The following ATP7B variants were observed in gnomAD, a reference collection of about 807,000 sequenced individuals.
The protein encoded by ATP7B is ATPase copper transporting beta.
ATP7B carries 113 observed loss-of-function variants against 118.9 expected under a neutral mutation model. The observed-to-expected ratio is 0.95, with a 90% confidence interval of 0.82 to 1.11. ATP7B has a LOEUF of 1.11. ATP7B is among the 50% of genes most tolerant of loss of function. The pLI, the probability that ATP7B is intolerant of heterozygous loss-of-function variation, is 0.00. For synonymous variants in ATP7B, 777 were observed against 727.4 expected, an observed-to-expected ratio of 1.07 and a Z score of -1.10; for missense variants, 1,867 against 1,871.4, an observed-to-expected ratio of 1.00 and a Z score of 0.04.
chr13:51,971,955 C>T (rs1453955886), intron 2 of ATP7B, among the ~76,000 whole-genome samples: 1 of 152,244 alleles, frequency 6.6e-6, no homozygotes, highest in Non-Finnish European at 1.5e-5. Context: ...CCCGCTGCTC[C>T]CTACAGTACC....
intron 1 of ATP7B, among the ~76,000 whole-genome samples, chr13:51,987,399 A>G (rs1266511530): frequency 1.3e-5 from 2 of 152,240 alleles, no homozygotes. Flanking sequence ...ACCACTGCTC[A>G]AGGAAATAAG....
chr13:51,992,715 C>T (rs1282045222), intron 1 of ATP7B, among the ~76,000 whole-genome samples: 1 of 152,038 alleles, frequency 6.6e-6, no homozygotes, highest in South Asian at 2.1e-4. Context: ...GGGTGGTTCA[C>T]GCCTGTAATC....
At chr13:51,990,853 G>T (rs1424488032) in intron 1 of ATP7B, among the ~76,000 whole-genome samples, 2 of 152,236 alleles carry the variant, frequency 1.3e-5, no homozygotes, top group Non-Finnish European at 2.9e-5. Flanking sequence ...ACTTCGGGAG[G>T]CCGAGGCAGG....
At chr13:51,975,194 T>C in intron 1 of ATP7B, 26 bp from the exon 2 acceptor site, 1 of 1,613,348 alleles carries the variant, frequency 6.2e-7, no homozygotes, top group Non-Finnish European at 8.5e-7. Context: ...ATAACATTTT[T>C]TAACCTTGAA....
rs1051332 is a variant in ATP7B at position 51,933,584 on chromosome 13, C to T, written c.*1172G>A. ...GCTCTGAGAGCCACTGCCAGGTAAACAGATGCTCCCTTCGGGGTGCTGTGG... is the reference window on the plus strand; with the variant it reads ...GCTCTGAGAGCCACTGCCAGGTAAATAGATGCTCCCTTCGGGGTGCTGTGG... On this transcript the variant is annotated 3_prime_UTR_variant, in exon 21 of 21. Transcript: ENST00000242839. 54,131 of 152,128 alleles carry T rather than the reference C, an allele frequency of 0.36. 11,325 individuals are homozygous for T. Among genetic ancestry groups the T allele is most frequent in the Non-Finnish European group, 0.47 (32,116 of 67,970 alleles). 9.4% of individuals were successfully genotyped at this position (152,128 alleles called of 1,614,324 possible).
intron 16 of ATP7B, among the ~76,000 whole-genome samples, chr13:51,940,295 G>A (rs543923223): frequency 1.0e-4 from 15 of 148,370 alleles, no homozygotes; most frequent in African/African-American, 3.2e-4. Flanking sequence ...TTACAGGCGT[G>A]AGCCACCGCA....
chr13:51,974,721 T>G lies in ATP7B; in HGVS notation c.499A>C (p.Lys167Gln), dbSNP rs1283727792. Reference sequence around the variant, plus strand: ...TTGACTCTCACTACTCCTTGCAGTTTCCGGACCTTGCCTTCAATGGAGCTG... The same window carrying G: ...TTGACTCTCACTACTCCTTGCAGTTGCCGGACCTTGCCTTCAATGGAGCTG... ...CVSSIEGKVR[K>Q]LQGVVRVKVS... The change falls in exon 2 of 21, where the codon AAA becomes CAA. Residue 167 changes from lysine (K) to glutamine (Q), a missense_variant. By Grantham distance (53) the Lys-to-Gln change is moderately conservative. Coordinates refer to ENST00000242839, the MANE Select transcript of ATP7B (RefSeq NM_000053.4). 1 of 1,613,970 alleles carries G rather than the reference T, an allele frequency of 6.2e-7. No homozygotes were observed. The highest frequency in any genetic ancestry group is 1.7e-5 in the Admixed American group (1 of 60,018).
intron 1 of ATP7B, among the ~76,000 whole-genome samples, chr13:51,984,542 T>G (rs1952563580): frequency 6.6e-6 from 1 of 151,986 alleles, no homozygotes; most frequent in Non-Finnish European, 1.5e-5. Context: ...AGGCCAACAT[T>G]CAAATTCAGG....
chr13:51,953,634 A>C (rs192592377), intron 9 of ATP7B, among the ~76,000 whole-genome samples: 1 of 152,250 alleles, frequency 6.6e-6, no homozygotes, highest in African/African-American at 2.4e-5. Context: ...TTCCTCTCCA[A>C]GTGCTGAGCG....
chr13:52,009,916 G>A (rs1371072638), intron 1 of ATP7B, among the ~76,000 whole-genome samples: 1 of 152,124 alleles, frequency 6.6e-6, no homozygotes, highest in Admixed American at 6.5e-5. Flanking sequence ...ACGCGAGAGT[G>A]CACATAGAGG....
chr13:51,952,304 T>C (rs1300274424), intron 9 of ATP7B, among the ~76,000 whole-genome samples: 1 of 152,212 alleles, frequency 6.6e-6, no homozygotes, highest in East Asian at 1.9e-4. Context: ...ACAGAATTAA[T>C]TGTATAGGTA....
At chr13:51,996,140 G>A (rs1322355068) in intron 1 of ATP7B, among the ~76,000 whole-genome samples, 1 of 152,302 alleles carries the variant, frequency 6.6e-6, no homozygotes, top group South Asian at 2.1e-4. Context: ...TTTTCAAGAA[G>A]GTGTAAGAAA....
chr13:51,960,419 T>A, intron 6 of ATP7B, 97 bp from the exon 7 acceptor site: 1 of 1,447,808 alleles, frequency 6.9e-7, no homozygotes, highest in Non-Finnish European at 9.5e-7. Context: ...AAGACCTGCC[T>A]TTGTCACATG....
In ATP7B at chr13:51,974,430, C is replaced by A. The variant is rs1952004467; in HGVS notation, c.790G>T (p.Asp264Tyr). ...ACGCAAGACTTACAATGCATTCCAT[C>A]TATTCTCAGTTGGAGGGTGACCACA... ...SHVVTLQLRI[D>Y]GMHCKSCVLN... Residue 264 changes from aspartate (D) to tyrosine (Y), a missense_variant, in exon 2 of 21, where the codon GAT (aspartate) becomes TAT (tyrosine). Asp to Tyr is a radical substitution (Grantham distance 160). Transcript: ENST00000242839. The A allele has an allele frequency of 1.2e-6, 2 of 1,613,900 alleles. No homozygotes were observed. The highest frequency in any genetic ancestry group is 1.7e-6 in the Non-Finnish European group (2 of 1,180,034).
intron 19 of ATP7B, 83 bp downstream of exon 19, chr13:51,937,193 G>GC (rs1187783022): frequency 1.6e-5 from 21 of 1,352,268 alleles, no homozygotes; most frequent in Non-Finnish European, 2.0e-5. Flanking sequence ...CAGTGAGTGA[G>GC]CCACTCACTA....
intron 6 of ATP7B, among the ~76,000 whole-genome samples, chr13:51,960,605 T>C (rs946053525): frequency 2.0e-5 from 3 of 152,150 alleles, no homozygotes; most frequent in African/African-American, 7.2e-5. Context: ...GTGAGGCAAG[T>C]GAGGCCCCAA....
chr13:52,003,709 G>A (rs1953638636), intron 1 of ATP7B, among the ~76,000 whole-genome samples: 3 of 152,112 alleles, frequency 2.0e-5, no homozygotes, highest in Admixed American at 2.0e-4. Flanking sequence ...TGACTTAAAT[G>A]AGCAGAACAG....
chr13:52,006,139 T>C (rs1953758554), intron 1 of ATP7B, among the ~76,000 whole-genome samples: 1 of 152,200 alleles, frequency 6.6e-6, no homozygotes, highest in South Asian at 2.1e-4. Context: ...AATGAATATC[T>C]ATAGAAACAA....
intron 1 of ATP7B, among the ~76,000 whole-genome samples, chr13:52,005,932 A>T (rs1953747045): frequency 6.6e-6 from 1 of 152,098 alleles, no homozygotes; most frequent in African/African-American, 2.4e-5. Context: ...CCACGCTGGA[A>T]GGTTGTGGGT....
Sources: allele counts gnomAD v4.1 joint callset (sites outside exome capture counted in the v4.1 genomes callset), GRCh38; gene constraint gnomAD v4.1.1; transcripts MANE v1.5; gene names NCBI Gene and HGNC (gene_info 2026-07-23, HGNC 2026-07-21).